ARAP2: variants seen among roughly 807,000 people sequenced by gnomAD.
The protein encoded by ARAP2 is ArfGAP with RhoGAP domain, ankyrin repeat and PH domain 2.
A neutral mutation model predicts 194.5 loss-of-function variants in ARAP2; 148 were observed. The observed-to-expected ratio is 0.76, with a 90% CI of 0.67 to 0.87. ARAP2 has a LOEUF of 0.87. Among genes scored for constraint, ARAP2 ranks in the 40% least tolerant of loss-of-function variants. ARAP2 has a pLI of 0.00. For missense variants in ARAP2, 2,128 were observed against 1,989.7 expected, an observed-to-expected ratio of 1.07 and a Z score of -1.32; for synonymous variants, 695 against 683.5, an observed-to-expected ratio of 1.02 and a Z score of -0.26.
intron 6 of ARAP2, among the ~76,000 whole-genome samples, chr4:36,209,611 T>C (rs933775388): frequency 6.6e-6 from 1 of 152,126 alleles, no homozygotes; most frequent in African/African-American, 2.4e-5. Flanking sequence ...TTCAAGAGAA[T>C]AGGAGTGAAA....
chr4:36,147,594 T>G lies in ARAP2; in HGVS notation c.3153A>C (p.Gln1051His). The G allele has an allele frequency of 6.2e-7, 1 of 1,613,650 alleles. No individual in the cohort carries two copies. The highest frequency in any genetic ancestry group is 8.5e-7 in the Non-Finnish European group (1 of 1,179,698). Residue 1051 changes from glutamine (Q) to histidine (H), a missense_variant, in exon 18 of 33, where the codon CAA becomes CAC. By Grantham distance (24) the Gln-to-His change is conservative (BLOSUM62 0). Coordinates refer to ENST00000303965, the MANE Select transcript of ARAP2 (RefSeq NM_015230.4). Reference protein sequence around the residue: ...KSSLHFCLQMQEVQGDRMHLR... With the variant: ...KSSLHFCLQMHEVQGDRMHLR... The stretch of plus-strand genomic sequence containing the variant: ...AGTGCATTCTATCTCCCTGAACTTC[T>G]TGCATTTGAAGGCAAAAATGCAAGC...
chr4:36,102,733 T>A (rs994026487), intron 27 of ARAP2, among the ~76,000 whole-genome samples: 5 of 151,964 alleles, frequency 3.3e-5, no homozygotes, highest in Non-Finnish European at 7.4e-5. Flanking sequence ...CATTTAAAAT[T>A]TCTGTTCTTT....
chr4:36,021,485 A>G (rs1054356230), intron 5 of ARAP2, among the ~76,000 whole-genome samples: 2 of 152,056 alleles, frequency 1.3e-5, no homozygotes, highest in Non-Finnish European at 2.9e-5. Context: ...TTATCACAAG[A>G]TCTGGTCATT....
intron 19 of ARAP2, among the ~76,000 whole-genome samples, chr4:36,135,094 G>A (rs1464977393): frequency 6.6e-6 from 1 of 151,666 alleles, no homozygotes; most frequent in Non-Finnish European, 1.5e-5. Flanking sequence ...TACAAAGTTT[G>A]CTTTAAAACA....
At chr4:36,237,541 T>G (rs1247273588) in intron 1 of ARAP2, among the ~76,000 whole-genome samples, 1 of 152,164 alleles carries the variant, frequency 6.6e-6, no homozygotes, top group Non-Finnish European at 1.5e-5. Context: ...CAAGATCTGC[T>G]TGTTCAAGAG....
At position 36,163,204 on chromosome 4, in the gene ARAP2, C is replaced by T. The variant is rs190669533; in HGVS notation, c.2174-1654G>A. 2.0e-5 allele frequency among the ~76,000 whole-genome samples: 3 copies of T among 151,060 alleles called. No homozygotes were observed. The East Asian group carries it at 5.9e-4, about 29-fold the overall frequency. The stretch of plus-strand genomic sequence containing the variant: ...GTAAAAGAGAAGTGAGAATGTAACC[C>T]AAGGGAACACATGTATTTCACAAGC... On this transcript the variant is annotated intron_variant, in intron 11 of 32. Coordinates refer to ENST00000303965, the MANE Select transcript of ARAP2 (RefSeq NM_015230.4).
chr4:36,010,118 T>G (rs1714180939), intron 9 of ARAP2, among the ~76,000 whole-genome samples: 1 of 151,804 alleles, frequency 6.6e-6, no homozygotes, highest in South Asian at 2.1e-4. Flanking sequence ...TCAGGGAGTA[T>G]TTTCAGAGAA....
At chr4:36,016,052 G>A (rs1308662134) in intron 6 of ARAP2, 1 of 152,098 alleles carries the variant, frequency 6.6e-6, no homozygotes, top group African/African-American at 2.4e-5. Context: ...TCAATTTAAA[G>A]TCTGCCAAGT....
chr4:36,141,730 A>G (rs1433407646), intron 19 of ARAP2, among the ~76,000 whole-genome samples: 1 of 151,718 alleles, frequency 6.6e-6, no homozygotes, highest in Non-Finnish European at 1.5e-5. Context: ...TTCTGGCTCA[A>G]GCTGTTACTA....
rs114720983 is a variant in ARAP2 at position 36,105,292 on chromosome 4, C to G, written c.4285+2273G>C. On this transcript the variant is annotated intron_variant, in intron 27 of 32. Coordinates refer to ENST00000303965, the MANE Select transcript of ARAP2 (RefSeq NM_015230.4). Reference sequence around the variant, plus strand: ...CTGAGATCACGCCACCGGTGGCACTCTAGCCTAGGTGACACAGCAAGACTC... The same window carrying G: ...CTGAGATCACGCCACCGGTGGCACTGTAGCCTAGGTGACACAGCAAGACTC... Among the ~76,000 whole-genome samples the G allele has an allele frequency of 5.2e-3, 785 of 152,150 alleles. 9 individuals carry two copies. Among genetic ancestry groups the G allele is most frequent in the African/African-American group, 0.018 (745 of 41,552 alleles).
intron 9 of ARAP2, 122 bp from the exon 10 acceptor site, chr4:36,167,169 T>C: frequency 1.6e-6 from 1 of 624,410 alleles, no homozygotes. Context: ...AGTCTCACTT[T>C]AGGTAGCCAC....
chr4:36,117,531 A>T (rs1721657748), intron 24 of ARAP2, among the ~76,000 whole-genome samples: 2 of 151,672 alleles, frequency 1.3e-5, no homozygotes, highest in African/African-American at 4.8e-5. Flanking sequence ...AACAAAACAC[A>T]TGAAGTTTTG....
chr4:36,243,383 C>CAAAAAAAA (rs71201008), intron 1 of ARAP2, among the ~76,000 whole-genome samples: 6 of 85,114 alleles, frequency 7.0e-5, no homozygotes, highest in East Asian at 4.9e-4. Context: ...GACAAGCTTG[C>CAAAAAAAA]AAAAAAAAAA....
chr4:36,210,632 G>T lies in ARAP2; in HGVS notation c.1245C>A (p.Tyr415Ter). Residue 415 changes from tyrosine (Y) to a stop codon, truncating the protein, a stop_gained, in exon 6 of 33, where the codon TAC (tyrosine) becomes TAA (stop). Coordinates refer to ENST00000303965, the MANE Select transcript of ARAP2 (RefSeq NM_015230.4). LOFTEE classifies it high-confidence loss of function. ...TCTGAAAGCATTCTTCTACTGTTGA[G>T]TATTCTGATTCAGAAGCAGTGTCTA... ...FLIDTASESE[Y>*]STVEECFQSL... is the part of the protein sequence containing the mutation. 6.2e-7 allele frequency: 1 copy of T among 1,613,862 alleles called. No individual in the cohort carries two copies. The highest frequency in any genetic ancestry group is 8.5e-7 in the Non-Finnish European group (1 of 1,179,860).
At chr4:36,018,447 CAAAA>C (rs34023851) in intron 6 of ARAP2, among the ~76,000 whole-genome samples, 28 of 136,196 alleles carry the variant, frequency 2.1e-4, no homozygotes, top group African/African-American at 5.6e-4. Flanking sequence ...CTCAATATCT[CAAAA>C]AAAAAAAAAA....
At chr4:36,121,421 T>C in intron 22 of ARAP2, 95 bp from the exon 23 acceptor site, 1 of 1,162,110 alleles carries the variant, frequency 8.6e-7, no homozygotes. Context: ...CACAGCAATA[T>C]TGGAATTCTC....
Position 36,149,862 on chromosome 4 carries a change from G to A in ARAP2, c.2897+1038C>T, listed in dbSNP as rs1047687405. ...GGTAATATGTTCAATGTAGTTTTAT[G>A]TAAATAACAGCTTTGCAAATCTCTT... On this transcript the variant is annotated intron_variant, in intron 16 of 32. Coordinates refer to ENST00000303965, the MANE Select transcript of ARAP2 (RefSeq NM_015230.4). Among the ~76,000 whole-genome samples the A allele has an allele frequency of 2.0e-5, 3 of 152,072 alleles. 1 individual carries two copies. Among genetic ancestry groups the A allele is most frequent in the Admixed American group, 2.0e-4 (3 of 15,272 alleles).
intron 5 of ARAP2, among the ~76,000 whole-genome samples, chr4:36,040,456 G>A (rs1011929393): frequency 6.6e-6 from 1 of 152,114 alleles, no homozygotes; most frequent in Non-Finnish European, 1.5e-5. Flanking sequence ...TAATGATATT[G>A]ATTCTTTCTA....
At chr4:36,009,879 T>TGGG (rs1233817416) in intron 9 of ARAP2, among the ~76,000 whole-genome samples, 1 of 68,148 alleles carries the variant, frequency 1.5e-5, no homozygotes, top group Non-Finnish European at 3.1e-5. Flanking sequence ...CTTGTTTTTT[T>TGGG]TGGCGGGGGG....
Sources: gnomAD v4.1 joint callset for allele counts (sites outside exome capture counted in the v4.1 genomes callset) on GRCh38, gnomAD v4.1.1 for gene constraint, MANE v1.5 for transcripts, NCBI Gene and HGNC (gene_info 2026-07-23, HGNC 2026-07-21) for gene names.